CDK5RAP2: variants seen among roughly 807,000 people sequenced by gnomAD.
CDK5RAP2 encodes CDK5 regulatory subunit associated protein 2.
A neutral mutation model predicts 232.9 loss-of-function variants in CDK5RAP2; 147 were observed. The observed-to-expected ratio is 0.63, with a 90% CI of 0.55 to 0.72. CDK5RAP2 has a LOEUF of 0.72. CDK5RAP2 is among the 30% of genes least tolerant of loss of function. CDK5RAP2 has a pLI of 0.00. For synonymous variants in CDK5RAP2, 833 were observed against 833.7 expected, an observed-to-expected ratio of 1.00 and a Z score of 0.01; for missense variants, 2,195 against 2,231.5, an observed-to-expected ratio of 0.98 and a Z score of 0.33.
intron 36 of CDK5RAP2, among the ~76,000 whole-genome samples, chr9:120,390,921 C>T (rs2031896609): frequency 6.6e-6 from 1 of 152,150 alleles, no homozygotes; most frequent in Non-Finnish European, 1.5e-5. Flanking sequence ...GGGGACGGGA[C>T]AGACGGTGTG....
intron 22 of CDK5RAP2, among the ~76,000 whole-genome samples, chr9:120,444,906 T>C (rs1001251696): frequency 1.3e-5 from 2 of 152,164 alleles, no homozygotes; most frequent in Admixed American, 1.3e-4. Flanking sequence ...AGAACCCAAT[T>C]AGATCATGTA....
chr9:120,491,220 A>G, intron 13 of CDK5RAP2, 87 bp downstream of exon 13: 2 of 1,012,260 alleles, frequency 2.0e-6, no homozygotes, highest in Non-Finnish European at 3.1e-6. Context: ...TGATTACTGT[A>G]ATCATAAATA....
chr9:120,578,492 C>A (rs2043121063), intron 1 of CDK5RAP2, among the ~76,000 whole-genome samples: 1 of 151,860 alleles, frequency 6.6e-6, no homozygotes, highest in Admixed American at 6.6e-5. Context: ...ACAGAAAAAC[C>A]ATTTGTCCAG....
At chr9:120,401,820 C>A (rs1026746078) in intron 34 of CDK5RAP2, among the ~76,000 whole-genome samples, 1 of 151,824 alleles carries the variant, frequency 6.6e-6, no homozygotes, top group Non-Finnish European at 1.5e-5. Flanking sequence ...CCCGTCTCTA[C>A]TAAAAATACA....
chr9:120,504,293 C>G (rs967834723), intron 12 of CDK5RAP2, among the ~76,000 whole-genome samples: 2 of 152,130 alleles, frequency 1.3e-5, no homozygotes, highest in Non-Finnish European at 2.9e-5. Flanking sequence ...GCCTGCCCAG[C>G]AAAGACTAGG....
At chr9:120,538,888 G>T in intron 6 of CDK5RAP2, 153 bp downstream of exon 6, 1 of 815,482 alleles carries the variant, frequency 1.2e-6, no homozygotes. Context: ...CATATAAAAT[G>T]CCTGAAATGG....
chr9:120,525,327 T>C (rs911563533), intron 10 of CDK5RAP2, among the ~76,000 whole-genome samples: 1 of 152,208 alleles, frequency 6.6e-6, no homozygotes, highest in Non-Finnish European at 1.5e-5. Flanking sequence ...GCTATTGTGT[T>C]GTTAAGGTTA....
chr9:120,536,481 T>A lies in CDK5RAP2; in HGVS notation c.553A>T (p.Thr185Ser). The A allele has an allele frequency of 6.2e-7, 1 of 1,614,120 alleles. No individual in the cohort carries two copies. The highest frequency in any genetic ancestry group is 8.5e-7 in the Non-Finnish European group (1 of 1,180,002). ...AACCGAAGAGCCTTCTCCGTCTCTG[T>A]CCCTGCAAAGGCCTTTTCCAGTTCT... is the stretch of plus-strand genomic sequence containing the variant. ...QAELEKAFAG[T>S]ETEKALRLRL... The change falls in exon 7 of 38, where the codon ACA (threonine) becomes TCA (serine). Residue 185 changes from threonine (T) to serine (S), a missense_variant. Thr to Ser is a moderately conservative substitution (Grantham distance 58). Coordinates refer to ENST00000349780, the MANE Select transcript of CDK5RAP2 (RefSeq NM_018249.6).
chr9:120,427,533 C>G (rs1053169662), intron 25 of CDK5RAP2, among the ~76,000 whole-genome samples: 1 of 152,120 alleles, frequency 6.6e-6, no homozygotes, highest in East Asian at 1.9e-4. Context: ...AACCCAACAC[C>G]CTTGCAACAG....
At chr9:120,490,503 A>G (rs1421672621) in intron 13 of CDK5RAP2, among the ~76,000 whole-genome samples, 1 of 152,196 alleles carries the variant, frequency 6.6e-6, no homozygotes, top group Non-Finnish European at 1.5e-5. Flanking sequence ...CCATTTTTAA[A>G]GTTACCAGGT....
intron 12 of CDK5RAP2, among the ~76,000 whole-genome samples, chr9:120,512,723 C>T (rs2040152833): frequency 6.6e-6 from 1 of 152,198 alleles, no homozygotes; most frequent in Non-Finnish European, 1.5e-5. Flanking sequence ...ATCCATGTCA[C>T]ATATATATCA....
intron 11 of CDK5RAP2, among the ~76,000 whole-genome samples, chr9:120,524,543 C>G (rs1309681758): frequency 1.3e-5 from 2 of 151,952 alleles, no homozygotes; most frequent in Non-Finnish European, 2.9e-5. Context: ...GATGCTGATG[C>G]AGGAAAATTG....
At chr9:120,432,598 G>A (rs1282912270) in intron 25 of CDK5RAP2, among the ~76,000 whole-genome samples, 2 of 152,260 alleles carry the variant, frequency 1.3e-5, no homozygotes, top group Non-Finnish European at 2.9e-5. Flanking sequence ...AAAAGGAGCT[G>A]TGGTGAGGTT....
chr9:120,504,155 G>C (rs2039703220), intron 12 of CDK5RAP2, among the ~76,000 whole-genome samples: 1 of 152,112 alleles, frequency 6.6e-6, no homozygotes, highest in African/African-American at 2.4e-5. Flanking sequence ...TTAAGGGTTT[G>C]GGGTAGTTGA....
Position 120,453,740 on chromosome 9 carries a change from C to T in CDK5RAP2, c.2509G>A (p.Val837Ile), listed in dbSNP as rs749051280. Residue 837 changes from valine to isoleucine, a missense_variant, in exon 21 of 38, where the codon GTC becomes ATC. By Grantham distance (29) the Val-to-Ile change is conservative. Coordinates refer to ENST00000349780, the MANE Select transcript of CDK5RAP2 (RefSeq NM_018249.6). ...PKQKGELVHF[V>I]QTNSFSKPHD... Reference sequence around the variant, plus strand: ...GGCTTGGAAAATGAGTTGGTTTGGACAAAATGTACAAGTTCACCTTTTTGC... The same window carrying T: ...GGCTTGGAAAATGAGTTGGTTTGGATAAAATGTACAAGTTCACCTTTTTGC... 13 of 1,614,214 alleles carry T rather than the reference C, an allele frequency of 8.1e-6. No individual in the cohort carries two copies. In the South Asian group the frequency reaches 1.2e-4, roughly 15 times the overall value.
At chr9:120,474,496 C>A (rs937626641) in intron 15 of CDK5RAP2, among the ~76,000 whole-genome samples, 1 of 152,088 alleles carries the variant, frequency 6.6e-6, no homozygotes, top group Non-Finnish European at 1.5e-5. Context: ...AAAAAATTAT[C>A]CAGCCTCAAA....
chr9:120,411,521 A>C (rs1354848749), intron 28 of CDK5RAP2, 47 bp from the exon 29 acceptor site: 6 of 1,006,042 alleles, frequency 6.0e-6, no homozygotes, highest in African/African-American at 1.6e-5. Flanking sequence ...TCTCCAGATC[A>C]GTATAGACAG....
chr9:120,471,619 A>G, intron 16 of CDK5RAP2, 129 bp downstream of exon 16: 1 of 1,342,052 alleles, frequency 7.5e-7, no homozygotes, highest in Non-Finnish European at 1.1e-6. Flanking sequence ...TGGTCACCAC[A>G]AAAAGGATCT....
chr9:120,464,939 G>C (rs1251525406), intron 18 of CDK5RAP2, among the ~76,000 whole-genome samples: 1 of 152,124 alleles, frequency 6.6e-6, no homozygotes, highest in African/African-American at 2.4e-5. Context: ...ACTATTAACA[G>C]AATATTTAAC....
Sources: gnomAD v4.1 joint callset for allele counts (sites outside exome capture counted in the v4.1 genomes callset) on GRCh38, gnomAD v4.1.1 for gene constraint, MANE v1.5 for transcripts, NCBI Gene and HGNC (gene_info 2026-07-23, HGNC 2026-07-21) for gene names.